Variants in CDH8 observed in about 807,000 individuals in gnomAD.
CDH8 encodes the protein cadherin 8.
Under a neutral mutation model 68.1 loss-of-function variants are expected in CDH8, and 17 were observed. The observed-to-expected ratio is 0.25, with a 90% CI of 0.17 to 0.37. The LOEUF is 0.37. Among genes scored for constraint, CDH8 ranks in the 10% least tolerant of loss-of-function variants. The pLI is 1.00. For synonymous variants in CDH8, 372 were observed against 365.1 expected (o/e 1.02, Z -0.21); for missense variants, 763 against 999.3 (o/e 0.76, Z 3.19).
At chr16:61,730,882 G>C (rs982933106) in intron 8 of CDH8, among the ~76,000 whole-genome samples, 1 of 151,478 alleles carries the variant, frequency 6.6e-6, no homozygotes, top group Non-Finnish European at 1.5e-5. Flanking sequence ...TTTCCTTGTT[G>C]CTTTTTAAGA....
chr16:61,668,096 T>A (rs747921195), intron 10 of CDH8, among the ~76,000 whole-genome samples: 5 of 152,026 alleles, frequency 3.3e-5, no homozygotes, highest in African/African-American at 4.8e-5. Context: ...TGGACAAGAG[T>A]ATAGTATTTG....
At chr16:61,859,715 G>T (rs769434758) in intron 3 of CDH8, among the ~76,000 whole-genome samples, 30 of 152,156 alleles carry the variant, frequency 2.0e-4, no homozygotes, top group Non-Finnish European at 3.8e-4. Context: ...TTAAACTGAA[G>T]GTAAACTGAG....
chr16:61,829,712 T>C (rs1962415600), intron 4 of CDH8, among the ~76,000 whole-genome samples: 1 of 151,782 alleles, frequency 6.6e-6, no homozygotes, highest in South Asian at 2.1e-4. Context: ...CTAAGGCGAG[T>C]AGGAAGTCTC....
intron 7 of CDH8, among the ~76,000 whole-genome samples, chr16:61,803,631 G>A (rs1409267576): frequency 2.0e-5 from 3 of 151,590 alleles, no homozygotes; most frequent in Middle Eastern, 3.4e-3. Flanking sequence ...GATCTACCAA[G>A]GAAATGGAAA....
At chr16:61,720,215 A>G (rs992612168) in intron 9 of CDH8, among the ~76,000 whole-genome samples, 3 of 150,902 alleles carry the variant, frequency 2.0e-5, no homozygotes, top group Admixed American at 1.3e-4. Flanking sequence ...CTGTCTTCCC[A>G]GTATTATCTC....
chr16:61,897,009 C>T (rs1328630725), intron 3 of CDH8, among the ~76,000 whole-genome samples: 1 of 150,678 alleles, frequency 6.6e-6, no homozygotes, highest in African/African-American at 2.4e-5. Context: ...TCAACACATC[C>T]TCTGTGGTTT....
intron 2 of CDH8, among the ~76,000 whole-genome samples, chr16:61,984,063 G>A (rs182902551): frequency 5.9e-5 from 9 of 152,062 alleles, no homozygotes; most frequent in South Asian, 4.2e-4. Context: ...GACTGCAGGC[G>A]TGAGCCCACC....
At position 61,975,592 on chromosome 16, in the gene CDH8, T is replaced by TA. The variant is rs201277371; in HGVS notation, c.252+45559dup. ...AAATAGCAGGAATACAATAGTTTGA[T>TA]AAAAAAATCTATCATTTGTTTGATA... On this transcript the variant is annotated intron_variant, in intron 2 of 11. Transcript: ENST00000577390. 5.8e-3 allele frequency among the ~76,000 whole-genome samples: 887 copies of TA among 152,280 alleles called. 8 individuals are homozygous for TA. Among genetic ancestry groups the TA allele is most frequent in the African/African-American group, 0.019 (805 of 41,570 alleles).
intron 3 of CDH8, among the ~76,000 whole-genome samples, chr16:61,894,007 A>T (rs1963826623): frequency 6.6e-6 from 1 of 152,168 alleles, no homozygotes; most frequent in African/African-American, 2.4e-5. Context: ...TAATAGTTTC[A>T]TGAGGAATAA....
chr16:61,799,693 T>C (rs1213857648), intron 7 of CDH8, among the ~76,000 whole-genome samples: 1 of 152,144 alleles, frequency 6.6e-6, no homozygotes, highest in East Asian at 1.9e-4. Context: ...TTGTTTACCA[T>C]ATAGAAAAAA....
chr16:61,810,732 A>G (rs1474493134), intron 7 of CDH8, among the ~76,000 whole-genome samples: 1 of 152,138 alleles, frequency 6.6e-6, no homozygotes, highest in African/African-American at 2.4e-5. Flanking sequence ...ATAAAAGACT[A>G]GTTAGATAAG....
At chr16:61,678,101 T>G (rs1344908751) in intron 10 of CDH8, among the ~76,000 whole-genome samples, 2 of 152,018 alleles carry the variant, frequency 1.3e-5, no homozygotes, top group Non-Finnish European at 2.9e-5. Flanking sequence ...AAATTTAAAA[T>G]CTACCTATAA....
chr16:61,782,101 A>G (rs989857387), intron 8 of CDH8, among the ~76,000 whole-genome samples: 1 of 152,212 alleles, frequency 6.6e-6, no homozygotes, highest in African/African-American at 2.4e-5. Context: ...ATGGCCGAAT[A>G]GGAACAGCTC....
Position 61,864,951 on chromosome 16 carries a change from G to A in CDH8, c.548-7713C>T, listed in dbSNP as rs569210827. ...TAAGAGGCAGAGGCAGCATGTGCTT[G>A]CCATTTTGCTTCAGAAACCTCTCTT... On this transcript the variant is annotated intron_variant, in intron 3 of 11. Transcript: ENST00000577390. Among the ~76,000 whole-genome samples, 51 of 152,246 alleles carry A rather than the reference G, an allele frequency of 3.3e-4. 1 individual carries two copies. In the South Asian group the frequency reaches 0.011, roughly 32 times the overall value.
intron 9 of CDH8, among the ~76,000 whole-genome samples, chr16:61,718,331 C>G (rs1475836899): frequency 6.6e-6 from 1 of 151,346 alleles, no homozygotes; most frequent in Non-Finnish European, 1.5e-5. Context: ...AAACCCTATT[C>G]TGTTGTAACT....
intron 8 of CDH8, among the ~76,000 whole-genome samples, chr16:61,783,611 G>C (rs1961146992): frequency 2.0e-5 from 3 of 150,046 alleles, no homozygotes; most frequent in African/African-American, 7.4e-5. Context: ...TCCTCAAGAA[G>C]AGCAACTCCA....
At position 61,724,850 on chromosome 16, in the gene CDH8, A is replaced by C. The variant is rs560420263; in HGVS notation, c.1536+2244T>G. On this transcript the variant is annotated intron_variant, in intron 9 of 11. Transcript: ENST00000577390. The stretch of plus-strand genomic sequence containing the variant: ...CTTCTATAAGTAAACACTTGTGTGA[A>C]TAACAAATCCAAATTTTGGTAAATG... Among the ~76,000 whole-genome samples the C allele has an allele frequency of 1.9e-4, 29 of 149,252 alleles. 1 individual carries two copies. In the South Asian group the frequency reaches 6.1e-3, roughly 31 times the overall value.
At chr16:61,915,995 C>G (rs564161828) in intron 2 of CDH8, among the ~76,000 whole-genome samples, 3 of 152,224 alleles carry the variant, frequency 2.0e-5, no homozygotes, top group Non-Finnish European at 4.4e-5. Flanking sequence ...ATATTAATAC[C>G]ACCCGTTAAC....
At chr16:61,833,125 T>A (rs1962496878) in intron 4 of CDH8, among the ~76,000 whole-genome samples, 1 of 151,474 alleles carries the variant, frequency 6.6e-6, no homozygotes, top group Non-Finnish European at 1.5e-5. Flanking sequence ...CAATCAAGAG[T>A]TTAGACTCAG....
Sources: gnomAD v4.1 joint callset for allele counts (sites outside exome capture counted in the v4.1 genomes callset) on GRCh38, gnomAD v4.1.1 for gene constraint, MANE v1.5 for transcripts, NCBI Gene and HGNC (gene_info 2026-07-23, HGNC 2026-07-21) for gene names.